GAS7: variants seen among roughly 807,000 people sequenced by gnomAD.
The protein encoded by GAS7 is growth arrest specific 7.
In GAS7, 28 loss-of-function variants were observed where a neutral mutation model predicts 71.1. The ratio of observed to expected loss-of-function variants is 0.39; its 90% CI spans 0.29 to 0.54. GAS7 has a LOEUF of 0.54. Among genes scored for constraint, GAS7 ranks in the 20% least tolerant of loss-of-function variants. GAS7 has a pLI of 0.62. For missense variants in GAS7, 436 were observed against 627.8 expected (o/e 0.69, Z 3.27); for synonymous variants, 258 against 245.8 (o/e 1.05, Z -0.46).
rs527412782 is a variant in GAS7, at chr17:10,189,224, C to T, written c.183+8984G>A. ...CCCCCTGAGGTTCCCTTACTCCCTCCGATCAACACACCAGCAAGACCTGTT... is the reference window on the plus strand; with the variant it reads ...CCCCCTGAGGTTCCCTTACTCCCTCTGATCAACACACCAGCAAGACCTGTT... On this transcript the variant is annotated intron_variant, in intron 1 of 13. Coordinates refer to ENST00000432992, the MANE Select transcript of GAS7 (RefSeq NM_201433.2). Among the ~76,000 whole-genome samples, 39 of 151,748 alleles carry T rather than the reference C, an allele frequency of 2.6e-4. No individual in the cohort carries two copies. In the South Asian group the frequency reaches 6.1e-3, roughly 24 times the overall value.
At chr17:10,042,292 CAAAA>C (rs58391348) in intron 1 of GAS7, among the ~76,000 whole-genome samples, 4,852 of 95,458 alleles carry the variant, frequency 0.051, 282 homozygotes, top group African/African-American at 0.16. Context: ...GAGACTCCGT[CAAAA>C]AAAAAAAAAA....
chr17:10,198,304 G>C lies in GAS7; in HGVS notation c.87C>G (p.Ile29Met). Residue 29 changes from isoleucine (I) to methionine (M), a missense_variant, in exon 1 of 14, where the codon ATC becomes ATG. Ile to Met is a conservative substitution (Grantham distance 10). Coordinates refer to ENST00000432992, the MANE Select transcript of GAS7 (RefSeq NM_201433.2). Reference sequence around the variant, plus strand: ...CGCCGTCCGGGACCTGCAGCAGCGTGATCAGCTCGCCCGCGGCGAAGCGCA... The same window carrying C: ...CGCCGTCCGGGACCTGCAGCAGCGTCATCAGCTCGCCCGCGGCGAAGCGCA... ...QGLRFAAGELITLLQVPDGGW... is the reference protein window; with the variant it reads ...QGLRFAAGELMTLLQVPDGGW... 1 of 1,603,732 alleles carries C rather than the reference G, an allele frequency of 6.2e-7. No individual in the cohort carries two copies. The highest frequency in any genetic ancestry group is 8.5e-7 in the Non-Finnish European group (1 of 1,179,382).
In GAS7 at chr17:9,925,551, G is replaced by A; in HGVS notation, c.1063C>T (p.Gln355Ter). 6.2e-7 allele frequency: 1 copy of A among 1,614,034 alleles called. No homozygotes were observed. The highest frequency in any genetic ancestry group is 8.5e-7 in the Non-Finnish European group (1 of 1,179,876). The change falls in exon 11 of 14, where the codon CAG becomes TAG. Residue 355 changes from glutamine (Q) to a stop codon, truncating the protein, a stop_gained. Coordinates refer to ENST00000432992, the MANE Select transcript of GAS7 (RefSeq NM_201433.2). LOFTEE classifies it high-confidence loss of function. ...ERQRDLEMKTQQLEIKLSNKT... is the reference protein window; with the variant it reads ...ERQRDLEMKT ...TTGCTCAGCTTGATCTCCAGCTGCT[G>A]GGTCTTCATCTCCAGGTCTCTCTGC... is the stretch of plus-strand genomic sequence containing the variant.
chr17:10,128,164 G>A (rs924077553), intron 1 of GAS7, among the ~76,000 whole-genome samples: 3 of 152,216 alleles, frequency 2.0e-5, no homozygotes, highest in Non-Finnish European at 4.4e-5. Flanking sequence ...CAGTTCCGGG[G>A]CGGCTCCAGT....
At chr17:10,062,103 G>A (rs1358032466) in intron 1 of GAS7, among the ~76,000 whole-genome samples, 3 of 152,320 alleles carry the variant, frequency 2.0e-5, no homozygotes, top group African/African-American at 7.2e-5. Flanking sequence ...GCATGTCCAC[G>A]GAGGGATCAA....
At chr17:10,164,238 C>T (rs922186688) in intron 1 of GAS7, among the ~76,000 whole-genome samples, 1 of 151,788 alleles carries the variant, frequency 6.6e-6, no homozygotes, top group Admixed American at 6.6e-5. Context: ...GTCAAGAGAT[C>T]GAGACCATCC....
chr17:10,182,544 T>C (rs1165998351), intron 1 of GAS7, among the ~76,000 whole-genome samples: 1 of 152,228 alleles, frequency 6.6e-6, no homozygotes, highest in Non-Finnish European at 1.5e-5. Context: ...AGAACCCATG[T>C]GGCCTCCCAG....
At chr17:10,078,071 GTGTGTGTGTTT>G (rs1433748372) in intron 1 of GAS7, among the ~76,000 whole-genome samples, 35 of 116,258 alleles carry the variant, frequency 3.0e-4, no homozygotes, top group East Asian at 4.2e-4. Flanking sequence ...GTGTGTGTGT[GTGTGTGTGTTT>G]TGTTTTGTTT....
At chr17:9,954,052 G>A (rs949462100) in intron 5 of GAS7, among the ~76,000 whole-genome samples, 1 of 152,204 alleles carries the variant, frequency 6.6e-6, no homozygotes, top group Non-Finnish European at 1.5e-5. Context: ...AGGAATCTTA[G>A]ATTTAGGTAA....
intron 1 of GAS7, among the ~76,000 whole-genome samples, chr17:10,079,057 C>A (rs886676926): frequency 6.6e-6 from 1 of 152,038 alleles, no homozygotes; most frequent in Admixed American, 6.6e-5. Context: ...ACTTGAAGAG[C>A]GACAGACCAA....
At chr17:10,048,283 A>T (rs1490254598) in intron 1 of GAS7, among the ~76,000 whole-genome samples, 1 of 152,264 alleles carries the variant, frequency 6.6e-6, no homozygotes, top group Non-Finnish European at 1.5e-5. Flanking sequence ...GCGCCATTGC[A>T]GTTGCGCCTG....
intron 1 of GAS7, among the ~76,000 whole-genome samples, chr17:10,115,993 C>A (rs2073857913): frequency 1.3e-5 from 2 of 152,332 alleles, no homozygotes; most frequent in South Asian, 2.1e-4. Context: ...TGGGACCCCT[C>A]ACCTCTCCAG....
rs8066006 is a variant in GAS7, at chr17:9,943,314, G to A, written c.616-78C>T. On this transcript the variant is annotated intron_variant, in intron 6 of 13. Transcript: ENST00000432992. ...AGGGAGAATGGCGTAGAGGGAGGAC[G>A]GCTCCTAGATGTGCCTGGCAATCCC... The A allele has an allele frequency of 0.32, 268,075 of 836,678 alleles. 46,464 individuals are homozygous for A. Among genetic ancestry groups the A allele is most frequent in the African/African-American group, 0.44 (26,113 of 59,688 alleles). The allele number at this position is 836,678 out of a possible 1,614,324, so 51.8% of individuals were successfully genotyped here.
intron 9 of GAS7, among the ~76,000 whole-genome samples, chr17:9,932,049 A>G (rs1259748449): frequency 6.6e-6 from 1 of 152,196 alleles, no homozygotes; most frequent in East Asian, 1.9e-4. Context: ...GCTACCTTCA[A>G]ATGATCAAGC....
intron 1 of GAS7, among the ~76,000 whole-genome samples, chr17:10,162,065 TC>T (rs1365101397): frequency 6.4e-5 from 2 of 31,252 alleles, no homozygotes; most frequent in African/African-American, 5.4e-4. Context: ...AGACTCCATC[TC>T]AAAAAAAAAA....
chr17:10,024,931 C>G (rs1406682640), intron 1 of GAS7, among the ~76,000 whole-genome samples: 1 of 152,174 alleles, frequency 6.6e-6, no homozygotes, highest in Non-Finnish European at 1.5e-5. Context: ...TTACCAGTCA[C>G]CAAATATCTA....
At chr17:10,036,484 C>G in intron 1 of GAS7, 1 of 1,613,696 alleles carries the variant, frequency 6.2e-7, no homozygotes, top group Non-Finnish European at 8.5e-7. Flanking sequence ...AGAGGAGAGT[C>G]TTGGGTCCTG....
intron 2 of GAS7, among the ~76,000 whole-genome samples, chr17:9,986,494 C>T (rs370598067): frequency 6.6e-6 from 1 of 152,174 alleles, no homozygotes; most frequent in South Asian, 2.1e-4. Flanking sequence ...TGCTGGTCCC[C>T]GTTCCTCTCC....
intron 2 of GAS7, among the ~76,000 whole-genome samples, chr17:10,016,630 CA>C (rs1178954166): frequency 8.4e-6 from 1 of 119,142 alleles, no homozygotes; most frequent in African/African-American, 3.1e-5. Flanking sequence ...AAAAACAAAA[CA>C]AAAAAAACTG....
Sources: gnomAD v4.1 joint callset for allele counts (sites outside exome capture counted in the v4.1 genomes callset) on GRCh38, gnomAD v4.1.1 for gene constraint, MANE v1.5 for transcripts, NCBI Gene and HGNC (gene_info 2026-07-23, HGNC 2026-07-21) for gene names.